CDH9: variants seen among roughly 807,000 people sequenced by gnomAD.
The protein encoded by CDH9 is cadherin-9.
A neutral mutation model predicts 70.9 loss-of-function variants in CDH9; 28 were observed. The ratio of observed to expected loss-of-function variants is 0.40; its 90% CI spans 0.29 to 0.54. CDH9 has a LOEUF of 0.54. Ranked by LOEUF, CDH9 falls within the 20% of genes least tolerant of loss-of-function variation. The pLI, the probability that CDH9 is intolerant of heterozygous loss-of-function variation, is 0.59. For missense variants in CDH9, 874 were observed against 984.4 expected (o/e 0.89, Z 1.50); for synonymous variants, 409 against 343.1 (o/e 1.19, Z -2.12).
At position 26,998,676 on chromosome 5, in the gene CDH9, C is replaced by T. The variant is rs149581345; in HGVS notation, c.-49-10294G>A. Among the ~76,000 whole-genome samples, 518 of 151,840 alleles carry T rather than the reference C, an allele frequency of 3.4e-3. 3 individuals are homozygous for T. The highest frequency in any genetic ancestry group is 0.012 in the African/African-American group (497 of 41,432). ...AGCACACCAACATGGGACATGTATA[C>T]ATATGTAACTGACCTGCACGTTGTG... On this transcript the variant is annotated intron_variant, in intron 1 of 11. Coordinates refer to ENST00000231021, the MANE Select transcript of CDH9 (RefSeq NM_016279.4).
intron 2 of CDH9, among the ~76,000 whole-genome samples, chr5:26,954,384 C>CTTTCTTTTTT (rs1741903501): frequency 5.4e-5 from 1 of 18,352 alleles, no homozygotes; most frequent in Non-Finnish European, 1.3e-4. Flanking sequence ...ATTATACAGC[C>CTTTCTTTTTT]TTTCTTTTTT....
At chr5:27,035,876 A>G (rs1743385313) in intron 1 of CDH9, among the ~76,000 whole-genome samples, 1 of 151,810 alleles carries the variant, frequency 6.6e-6, no homozygotes, top group Non-Finnish European at 1.5e-5. Context: ...TTAATGATAA[A>G]TTATATTGAA....
At chr5:27,021,799 A>C (rs1415245946) in intron 1 of CDH9, among the ~76,000 whole-genome samples, 1 of 152,114 alleles carries the variant, frequency 6.6e-6, no homozygotes, top group East Asian at 1.9e-4. Flanking sequence ...TGCATTTTAC[A>C]ACAGGATTAA....
intron 7 of CDH9, among the ~76,000 whole-genome samples, chr5:26,896,254 G>C (rs527702804): frequency 2.5e-4 from 38 of 151,896 alleles, no homozygotes; most frequent in Middle Eastern, 3.4e-3. Context: ...TTTACTATCA[G>C]TCTTTGAATG....
intron 7 of CDH9, among the ~76,000 whole-genome samples, chr5:26,895,628 A>G (rs954223019): frequency 3.3e-5 from 5 of 152,056 alleles, no homozygotes; most frequent in African/African-American, 1.2e-4. Context: ...AATCAACCCT[A>G]TAACTTTGGA....
chr5:26,886,108 T>C (rs956111567), intron 9 of CDH9, 25 bp from the exon 10 acceptor site: 3 of 1,578,682 alleles, frequency 1.9e-6, no homozygotes, highest in Non-Finnish European at 2.6e-6. Flanking sequence ...AATTAATTAA[T>C]TAATTAAGCC....
At chr5:26,904,653 CT>C (rs1427202062) in intron 5 of CDH9, among the ~76,000 whole-genome samples, 1 of 152,012 alleles carries the variant, frequency 6.6e-6, no homozygotes, top group Non-Finnish European at 1.5e-5. Flanking sequence ...ACTTCAAAGT[CT>C]ATATTCTTTC....
chr5:27,035,665 T>A (rs1476251801), intron 1 of CDH9, among the ~76,000 whole-genome samples: 3 of 148,102 alleles, frequency 2.0e-5, no homozygotes, highest in African/African-American at 7.5e-5. Flanking sequence ...TATGTTAATA[T>A]TGCTATTGAC....
chr5:26,888,445 G>A (rs926128997), intron 9 of CDH9, among the ~76,000 whole-genome samples: 1 of 151,888 alleles, frequency 6.6e-6, no homozygotes, highest in Non-Finnish European at 1.5e-5. Flanking sequence ...GGTAATAATT[G>A]AATAAGTAAT....
intron 2 of CDH9, among the ~76,000 whole-genome samples, chr5:26,947,893 G>A (rs79951525): frequency 0.018 from 2,671 of 152,192 alleles, 93 homozygotes; most frequent in African/African-American, 0.061. Flanking sequence ...GTTCACTCAT[G>A]GGATCTCCAA....
At chr5:26,980,709 A>G (rs1004428759) in intron 2 of CDH9, among the ~76,000 whole-genome samples, 6 of 152,056 alleles carry the variant, frequency 3.9e-5, no homozygotes, top group Non-Finnish European at 5.9e-5. Flanking sequence ...AGATGATTCT[A>G]GTGCAAAATT....
chr5:26,899,556 A>T (rs1160768385), intron 7 of CDH9, among the ~76,000 whole-genome samples: 2 of 152,110 alleles, frequency 1.3e-5, no homozygotes, highest in Non-Finnish European at 2.9e-5. Context: ...AGGAACAGAA[A>T]ACCAAACACC....
intron 1 of CDH9, among the ~76,000 whole-genome samples, chr5:27,028,804 T>A (rs1743263787): frequency 6.6e-6 from 1 of 151,842 alleles, no homozygotes; most frequent in Non-Finnish European, 1.5e-5. Context: ...AACCAAAAAC[T>A]TAGATTCAAG....
chr5:27,002,578 T>C (rs964828109), intron 1 of CDH9, among the ~76,000 whole-genome samples: 1 of 152,146 alleles, frequency 6.6e-6, no homozygotes, highest in African/African-American at 2.4e-5. Context: ...CACCATGGAA[T>C]ACTATGCAGC....
At chr5:26,953,471 G>T (rs557848856) in intron 2 of CDH9, among the ~76,000 whole-genome samples, 1 of 152,228 alleles carries the variant, frequency 6.6e-6, no homozygotes, top group Admixed American at 6.5e-5. Flanking sequence ...TTCTCCCTAA[G>T]TCGTTTAACC....
chr5:26,957,736 C>A (rs1211244125), intron 2 of CDH9, among the ~76,000 whole-genome samples: 1 of 152,042 alleles, frequency 6.6e-6, no homozygotes, highest in Non-Finnish European at 1.5e-5. Context: ...TCTTTGGTGG[C>A]AAATTTGATG....
rs769485686 is a variant in CDH9, at chr5:26,881,118, T to C, written c.*18A>G. ...TAGACAGTACTTCCACTAATATTGA[T>C]TAAGTCAAACAATCCTCTTAGTCTC... On this transcript the variant is annotated 3_prime_UTR_variant, in exon 12 of 12. Transcript: ENST00000231021. 1.3e-6 allele frequency: 2 copies of C among 1,576,070 alleles called. No individual in the cohort carries two copies. The highest frequency in any genetic ancestry group is 1.8e-5 in the Admixed American group (1 of 55,360).
At chr5:26,909,884 T>G (rs1208797185) in intron 3 of CDH9, among the ~76,000 whole-genome samples, 2 of 151,892 alleles carry the variant, frequency 1.3e-5, no homozygotes, top group Non-Finnish European at 2.9e-5. Flanking sequence ...ATTCGGTGGC[T>G]AAAGATTTTG....
chr5:26,974,309 T>A (rs1579487562), intron 2 of CDH9, among the ~76,000 whole-genome samples: 1 of 151,916 alleles, frequency 6.6e-6, no homozygotes, highest in South Asian at 2.1e-4. Context: ...GAGCTTGTAC[T>A]TATGAAGACA....
Sources: allele counts gnomAD v4.1 joint callset (sites outside exome capture counted in the v4.1 genomes callset), GRCh38; gene constraint gnomAD v4.1.1; transcripts MANE v1.5; gene names NCBI Gene and HGNC (gene_info 2026-07-23, HGNC 2026-07-21).